Variants in DHTKD1 observed in about 807,000 individuals in gnomAD.
DHTKD1 encodes dehydrogenase E1 and transketolase domain containing 1, also known as 2-oxoadipate dehydrogenase complex component E1.
Under a neutral mutation model 101.8 loss-of-function variants are expected in DHTKD1, and 78 were observed. The ratio of observed to expected loss-of-function variants is 0.77; its 90% CI spans 0.64 to 0.93. DHTKD1 has a LOEUF of 0.93. Ranked by LOEUF, DHTKD1 falls within the 40% of genes least tolerant of loss-of-function variation. DHTKD1 has a pLI of 0.00. For missense variants in DHTKD1, 1,223 were observed against 1,161.7 expected, an observed-to-expected ratio of 1.05 and a Z score of -0.77; for synonymous variants, 462 against 450.3, an observed-to-expected ratio of 1.03 and a Z score of -0.33.
At position 12,112,917 on chromosome 10, in the gene DHTKD1, A is replaced by G. The variant is rs1306043636; in HGVS notation, c.2172A>G (p.Glu724=). 1.9e-6 allele frequency: 3 copies of G among 1,609,348 alleles called. No homozygotes were observed. In the African/African-American group the frequency reaches 4.0e-5, roughly 22 times the overall value. ...ERFLQMCDSA[E]EGVDGDTVNM... ...TCTCCCAGATGTGTGACAGTGCGGAAGAGGGGGTGGACGGAGACACTGTGA... is the reference window on the plus strand; with the variant it reads ...TCTCCCAGATGTGTGACAGTGCGGAGGAGGGGGTGGACGGAGACACTGTGA... Residue 724 remains glutamate, a synonymous_variant, in exon 13 of 17, where the codon GAA becomes GAG. Transcript: ENST00000263035.
chr10:12,120,293 G>A (rs778074345), intron 16 of DHTKD1, 26 bp downstream of exon 16: 1 of 1,529,184 alleles, frequency 6.5e-7, no homozygotes, highest in Non-Finnish European at 9.0e-7. Context: ...CTCTGGTAGT[G>A]TTTTGTGTTT....
intron 3 of DHTKD1, among the ~76,000 whole-genome samples, chr10:12,085,656 A>G (rs1395372989): frequency 6.6e-6 from 1 of 152,084 alleles, no homozygotes; most frequent in Non-Finnish European, 1.5e-5. Context: ...AGGTGGGCGT[A>G]TTGCTTGAGG....
chr10:12,095,891 C>T (rs1360985608), intron 7 of DHTKD1, among the ~76,000 whole-genome samples: 2 of 151,196 alleles, frequency 1.3e-5, no homozygotes, highest in African/African-American at 4.8e-5. Flanking sequence ...TGCCTGTAGT[C>T]CCAGCTACTC....
rs1273574135 is a variant in DHTKD1, at chr10:12,107,361, C to T, written c.2048-548C>T. ...CATGTGCTGTCCAGGAAGCTGGGAA[C>T]GTTCCCCTTTGAGTTTGTCTTCCAC... is the stretch of plus-strand genomic sequence containing the variant. On this transcript the variant is annotated intron_variant, in intron 11 of 16. Transcript: ENST00000263035. This position sits in a 1 kb window ranked among gnomAD's most constrained non-coding sequence, Gnocchi z 4.1. Among the ~76,000 whole-genome samples the T allele has an allele frequency of 6.6e-6, 1 of 151,794 alleles. No individual in the cohort carries two copies. The highest frequency in any genetic ancestry group is 6.6e-5 in the Admixed American group (1 of 15,206).
rs1028581556 is a variant in DHTKD1 at position 12,106,498 on chromosome 10, C to T, written c.2047+102C>T. 4.8e-6 allele frequency: 7 copies of T among 1,464,476 alleles called. No homozygotes were observed. In the Admixed American group the frequency reaches 8.7e-5, roughly 18 times the overall value. 90.7% of individuals were successfully genotyped at this position (1,464,476 alleles called of 1,614,324 possible). ...AAGGGGCCACTGCTGCCTTGAGACT[C>T]CCGTGTGCGGCGGCGCCTCCAGGGA... On this transcript the variant is annotated intron_variant, in intron 11 of 16. Transcript: ENST00000263035.
intron 10 of DHTKD1, 99 bp downstream of exon 10, chr10:12,101,280 C>A: frequency 7.2e-7 from 1 of 1,390,076 alleles, no homozygotes; most frequent in Non-Finnish European, 9.7e-7. Context: ...ACTTTGGGTT[C>A]AGTACTTTTG....
Position 12,097,721 on chromosome 10 carries a change from C to T in DHTKD1, c.1396C>T (p.Leu466Phe), listed in dbSNP as rs768200609. ...CATTCCAGACACATATGCAGAGCACCTCATTGCTGGCGGACTCATGACGCA... is the reference window on the plus strand; with the variant it reads ...CATTCCAGACACATATGCAGAGCACTTCATTGCTGGCGGACTCATGACGCA... ...KSIPDTYAEH[L>F]IAGGLMTQEE... Residue 466 changes from leucine (L) to phenylalanine (F), a missense_variant, in exon 8 of 17, where the codon CTC becomes TTC. Physicochemically the swap from Leu to Phe is conservative, Grantham distance 22. Transcript: ENST00000263035. 1 of 1,614,038 alleles carries T rather than the reference C, an allele frequency of 6.2e-7. No individual in the cohort carries two copies. Among genetic ancestry groups the T allele is most frequent in the Non-Finnish European group, 8.5e-7 (1 of 1,179,926 alleles).
chr10:12,115,436 G>A (rs1179025704), intron 13 of DHTKD1, among the ~76,000 whole-genome samples: 9 of 152,150 alleles, frequency 5.9e-5, no homozygotes, highest in Non-Finnish European at 4.4e-5. Context: ...GAGGGGAGTA[G>A]GGAGGTACTC....
At chr10:12,102,950 C>T (rs958579339) in intron 10 of DHTKD1, among the ~76,000 whole-genome samples, 2 of 152,052 alleles carry the variant, frequency 1.3e-5, no homozygotes, top group East Asian at 2.0e-4. Context: ...AGACCTGGCA[C>T]GGTGGCTCAC....
At position 12,121,593 on chromosome 10, in the gene DHTKD1, C is replaced by G. The variant is rs1449498920; in HGVS notation, c.*705C>G. The stretch of plus-strand genomic sequence containing the variant: ...TGGTCAACGTGGTGAAACGCCGTTT[C>G]TACTAAAAATATGAAAATTAGTTGG... On this transcript the variant is annotated 3_prime_UTR_variant, in exon 17 of 17. Coordinates refer to ENST00000263035, the MANE Select transcript of DHTKD1 (RefSeq NM_018706.7). 3.9e-5 allele frequency: 6 copies of G among 152,264 alleles called. No individual in the cohort carries two copies. Among genetic ancestry groups the G allele is most frequent in the Admixed American group, 6.5e-5 (1 of 15,276 alleles). 9.4% of individuals were successfully genotyped at this position (152,264 alleles called of 1,614,324 possible).
chr10:12,097,910 G>T lies in DHTKD1; in HGVS notation c.1585G>T (p.Asp529Tyr), dbSNP rs751439344. The T allele has an allele frequency of 2.5e-6, 4 of 1,614,150 alleles. No individual in the cohort carries two copies. The highest frequency in any genetic ancestry group is 2.2e-5 in the South Asian group (2 of 91,080). ...CACCTGGAGTACAGGTGTGCCCCTC[G>T]ACCTCCTGCGGTTTGTTGGCATGAA... is the stretch of plus-strand genomic sequence containing the variant. ...ITTWSTGVPL[D>Y]LLRFVGMKSV... Residue 529 changes from aspartate (D) to tyrosine (Y), a missense_variant, in exon 8 of 17, where the codon GAC becomes TAC. Coordinates refer to ENST00000263035, the MANE Select transcript of DHTKD1 (RefSeq NM_018706.7).
At chr10:12,116,711 T>C (rs1833423679) in intron 13 of DHTKD1, among the ~76,000 whole-genome samples, 1 of 151,784 alleles carries the variant, frequency 6.6e-6, no homozygotes, top group Non-Finnish European at 1.5e-5. Context: ...CTTTTTTTTT[T>C]TTTGAGACAA....
At chr10:12,074,666 C>A (rs1310479512) in intron 1 of DHTKD1, among the ~76,000 whole-genome samples, 1 of 92 alleles carries the variant, frequency 0.011, no homozygotes, top group African/African-American at 0.056. Context: ...TGCTATGTTG[C>A]CCCAGGCTGG....
In DHTKD1 at chr10:12,120,339, C is replaced by CTTTTT. The variant is rs539793101; in HGVS notation, c.2658+80_2658+84dup. 1.5e-3 allele frequency: 1,637 copies of CTTTTT among 1,065,630 alleles called. 12 individuals carry two copies. In the African/African-American group the frequency reaches 0.026, roughly 17 times the overall value. 66.0% of individuals were successfully genotyped at this position (1,065,630 alleles called of 1,614,324 possible). ...TTGTTTTTCTTTTCTTTCTTTCTTTCTTTTTTTTTTTTGAGACAGAGTCTC... is the reference window on the plus strand; with the variant it reads ...TTGTTTTTCTTTTCTTTCTTTCTTTCTTTTTTTTTTTTTTTTTGAGACAGAGTCTC... On this transcript the variant is annotated intron_variant, in intron 16 of 16. Coordinates refer to ENST00000263035, the MANE Select transcript of DHTKD1 (RefSeq NM_018706.7).
chr10:12,106,242 T>C lies in DHTKD1; in HGVS notation c.1897-4T>C, dbSNP rs965640154. The C allele has an allele frequency of 3.1e-6, 5 of 1,613,960 alleles. No homozygotes were observed. The African/African-American group carries it at 6.7e-5, about 22-fold the overall frequency. On this transcript the variant is annotated splice_region_variant and splice_polypyrimidine_tract_variant and intron_variant, in intron 10 of 16. Transcript: ENST00000263035. Reference sequence around the variant, plus strand: ...CAGCGTTTCCTTCTCTTCTCTGGGATTAGGTCAGCAACAGCCCACTGTCAG... The same window carrying C: ...CAGCGTTTCCTTCTCTTCTCTGGGACTAGGTCAGCAACAGCCCACTGTCAG...
At chr10:12,083,284 C>CA (rs35550855) in intron 2 of DHTKD1, among the ~76,000 whole-genome samples, 12,061 of 151,610 alleles carry the variant, frequency 0.08, 614 homozygotes, top group Non-Finnish European at 0.12. Flanking sequence ...TAATGAGCTG[C>CA]AAAAAAAAAT....
intron 13 of DHTKD1, 35 bp downstream of exon 13, chr10:12,113,099 T>C (rs749836455): frequency 6.6e-7 from 1 of 1,524,586 alleles, no homozygotes; most frequent in African/African-American, 1.4e-5. Flanking sequence ...CTTCCTCCTT[T>C]TGTCATTTTT....
Position 12,106,361 on chromosome 10 carries a change from G to T in DHTKD1, c.2012G>T (p.Gly671Val). 6.2e-7 allele frequency: 1 copy of T among 1,614,208 alleles called. No individual in the cohort carries two copies. The highest frequency in any genetic ancestry group is 8.5e-7 in the Non-Finnish European group (1 of 1,180,048). ...WEAQFGDFFN[G>V]AQIIFDTFIS... is the part of the protein sequence containing the mutation. ...GCACAGTTTGGCGATTTCTTCAATG[G>T]TGCCCAGATCATCTTTGACACATTC... The change falls in exon 11 of 17, where the codon GGT (glycine) becomes GTT (valine). Residue 671 changes from glycine (G) to valine (V), a missense_variant. Gly to Val is a moderately radical substitution (Grantham distance 109). Transcript: ENST00000263035.
chr10:12,118,539 C>T (rs555741012), intron 14 of DHTKD1, among the ~76,000 whole-genome samples: 27 of 152,116 alleles, frequency 1.8e-4, no homozygotes, highest in African/African-American at 4.3e-4. Flanking sequence ...CCCGCCAGTA[C>T]GCCCGGCTAA....
Sources: gnomAD v4.1 joint callset for allele counts (sites outside exome capture counted in the v4.1 genomes callset) on GRCh38, gnomAD v4.1.1 for gene constraint, Gnocchi (gnomAD v3.1) non-coding constraint, MANE v1.5 for transcripts, NCBI Gene and HGNC (gene_info 2026-07-23, HGNC 2026-07-21) for gene names.